Variants in PHACTR4 observed in about 807,000 individuals in gnomAD.
The protein encoded by PHACTR4 is protein phosphatase 1, regulatory subunit 124.
Under a neutral mutation model 72.7 loss-of-function variants are expected in PHACTR4, and 51 were observed. The observed-to-expected ratio is 0.70, with a 90% CI of 0.56 to 0.89. The LOEUF (loss-of-function observed/expected upper bound fraction) is 0.89, where lower values mean the gene tolerates loss of function less well. Ranked by LOEUF, PHACTR4 falls within the 40% of genes least tolerant of loss-of-function variation. PHACTR4 has a pLI of 0.00. For synonymous variants in PHACTR4, 255 were observed against 302.5 expected (o/e 0.84, Z 1.63); for missense variants, 731 against 861.8 (o/e 0.85, Z 1.90).
rs911626972 is a variant in PHACTR4 at position 28,497,252 on chromosome 1, A to G, written c.*703A>G. ...TAGTTTTTCCTGAACTCCAACCAGA[A>G]TCCAAATTGGTTAGATGAGGCCAGG... On this transcript the variant is annotated 3_prime_UTR_variant, in exon 14 of 14. Coordinates refer to ENST00000373839, the MANE Select transcript of PHACTR4 (RefSeq NM_001048183.3). The G allele has an allele frequency of 6.6e-6, 1 of 152,076 alleles. No homozygotes were observed. The highest frequency in any genetic ancestry group is 2.4e-5 in the African/African-American group (1 of 41,412). 9.4% of individuals were successfully genotyped at this position (152,076 alleles called of 1,614,324 possible).
chr1:28,396,845 C>CTTTTTTTTTTTTTTTT (rs60578939), intron 1 of PHACTR4, among the ~76,000 whole-genome samples: 17 of 119,662 alleles, frequency 1.4e-4, no homozygotes, highest in East Asian at 2.5e-4. Flanking sequence ...TTCTTTCTTT[C>CTTTTTTTTTTTTTTTT]TTTTTTTTTT....
intron 2 of PHACTR4, among the ~76,000 whole-genome samples, chr1:28,411,436 C>T (rs1323793713): frequency 6.6e-6 from 1 of 152,168 alleles, no homozygotes; most frequent in Non-Finnish European, 1.5e-5. Context: ...ACAGAAATGA[C>T]TCATATTTAA....
In PHACTR4 at chr1:28,387,956, A is replaced by G. The variant is rs373678641; in HGVS notation, c.-39+18131A>G. Among the ~76,000 whole-genome samples the G allele has an allele frequency of 5.9e-5, 9 of 152,064 alleles. No homozygotes were observed. In the South Asian group the frequency reaches 1.0e-3, roughly 18 times the overall value. ...TTGGCCAGGCTGGTCTCGAGCTCCT[A>G]ACCTCAGGTGATCCACCCGCCTTGG... is the stretch of plus-strand genomic sequence containing the variant. On this transcript the variant is annotated intron_variant, in intron 1 of 13. Transcript: ENST00000373839.
chr1:28,493,878 A>T (rs2124560965), intron 13 of PHACTR4, among the ~76,000 whole-genome samples: 1 of 152,298 alleles, frequency 6.6e-6, no homozygotes, highest in Admixed American at 6.5e-5. Flanking sequence ...TTAATGTATA[A>T]ACAACATTTT....
intron 1 of PHACTR4, among the ~76,000 whole-genome samples, chr1:28,401,323 G>A (rs988079763): frequency 1.4e-5 from 2 of 143,594 alleles, no homozygotes; most frequent in Admixed American, 6.9e-5. Flanking sequence ...TTTTTTTTGG[G>A]GGGGATGGAG....
At chr1:28,415,273 A>AG (rs1232739561) in intron 2 of PHACTR4, among the ~76,000 whole-genome samples, 5 of 148,924 alleles carry the variant, frequency 3.4e-5, no homozygotes, top group East Asian at 1.9e-4. Flanking sequence ...AAAAAAAAAA[A>AG]AGAGAGAGAA....
chr1:28,438,059 G>A (rs1656746558), intron 2 of PHACTR4: 1 of 890,498 alleles, frequency 1.1e-6, no homozygotes, highest in African/African-American at 1.8e-5. Context: ...GGACTTTTGG[G>A]CTATGCCAGT....
chr1:28,425,583 C>T (rs916019126), intron 2 of PHACTR4, among the ~76,000 whole-genome samples: 2 of 152,168 alleles, frequency 1.3e-5, no homozygotes, highest in African/African-American at 4.8e-5. Context: ...TTCTCCTATT[C>T]ATGTACTGGA....
chr1:28,463,957 C>T (rs116065150), intron 4 of PHACTR4, among the ~76,000 whole-genome samples: 6 of 151,894 alleles, frequency 4.0e-5, no homozygotes, highest in Admixed American at 3.3e-4. Flanking sequence ...ATCTCAAACT[C>T]TTGGGCTCAA....
intron 1 of PHACTR4, among the ~76,000 whole-genome samples, chr1:28,394,598 CTTTTTTT>C (rs762426587): frequency 7.1e-6 from 1 of 140,528 alleles, no homozygotes; most frequent in African/African-American, 2.6e-5. Context: ...GCCATCTTTT[CTTTTTTT>C]TTTTTTTGGA....
rs1021008985 is a variant in PHACTR4, at chr1:28,461,841, TTTTC to T, written c.271+1561_271+1564del. On this transcript the variant is annotated intron_variant, in intron 4 of 13. Transcript: ENST00000373839. ...TGCTGTGCCCAGGTGCTATGCGATGTTTTCTTTCTTTCTTTTTTTTTTTTTGTAT... is the reference window on the plus strand; with the variant it reads ...TGCTGTGCCCAGGTGCTATGCGATGTTTTCTTTCTTTTTTTTTTTTTGTAT... Among the ~76,000 whole-genome samples, 39 of 146,930 alleles carry T rather than the reference TTTTC, an allele frequency of 2.7e-4. 1 individual carries two copies. The highest frequency in any genetic ancestry group is 4.6e-4 in the Non-Finnish European group (31 of 67,914).
At chr1:28,423,975 CTTTAT>C (rs933903892) in intron 2 of PHACTR4, among the ~76,000 whole-genome samples, 2 of 152,062 alleles carry the variant, frequency 1.3e-5, no homozygotes, top group Admixed American at 6.6e-5. Flanking sequence ...TTGAACTTAA[CTTTAT>C]TTTATTTATG....
At chr1:28,377,223 C>A (rs1048827827) in intron 1 of PHACTR4, among the ~76,000 whole-genome samples, 1 of 151,416 alleles carries the variant, frequency 6.6e-6, no homozygotes, top group Admixed American at 6.6e-5. Flanking sequence ...CAGGCGTGAG[C>A]CTCCGCACCC....
intron 2 of PHACTR4, among the ~76,000 whole-genome samples, chr1:28,432,726 T>C (rs1022355947): frequency 3.9e-5 from 6 of 152,108 alleles, no homozygotes; most frequent in African/African-American, 1.4e-4. Context: ...CTTTGCCTAT[T>C]AAATCTTATT....
At chr1:28,430,726 C>G (rs1266391369) in intron 2 of PHACTR4, among the ~76,000 whole-genome samples, 1 of 152,074 alleles carries the variant, frequency 6.6e-6, no homozygotes, top group Non-Finnish European at 1.5e-5. Flanking sequence ...ACATCTCAAG[C>G]CATAAGAAAG....
At position 28,474,058 on chromosome 1, in the gene PHACTR4, C is replaced by T. The variant is rs756268561; in HGVS notation, c.1328C>T (p.Ser443Leu). ...CTGGAGGGTTCTCACAGAGCTCATT[C>T]GTTGCTTTTTGAAAACAGTGACAGC... is the stretch of plus-strand genomic sequence containing the variant. Reference protein sequence around the residue: ...PILEGSHRAHSLLFENSDSFS... With the variant: ...PILEGSHRAHLLLFENSDSFS... The change falls in exon 7 of 14, where the codon TCG (serine) becomes TTG (leucine). Residue 443 changes from serine (S) to leucine (L), a missense_variant. Transcript: ENST00000373839. The T allele has an allele frequency of 5.6e-6, 9 of 1,614,038 alleles. No homozygotes were observed. Among genetic ancestry groups the T allele is most frequent in the East Asian group, 4.5e-5 (2 of 44,896 alleles).
chr1:28,495,344 G>A (rs1204434021), intron 13 of PHACTR4, among the ~76,000 whole-genome samples: 1 of 151,952 alleles, frequency 6.6e-6, no homozygotes, highest in East Asian at 1.9e-4. Context: ...CTGGCCTCAA[G>A]TGATCCTCCC....
intron 1 of PHACTR4, among the ~76,000 whole-genome samples, chr1:28,395,808 C>T (rs1420356679): frequency 2.2e-5 from 3 of 137,728 alleles, no homozygotes; most frequent in African/African-American, 5.9e-5. Flanking sequence ...TACAATTACA[C>T]GCCTGGCTAA....
chr1:28,482,364 A>G (rs953404405), intron 9 of PHACTR4, among the ~76,000 whole-genome samples: 2 of 152,168 alleles, frequency 1.3e-5, no homozygotes, highest in African/African-American at 2.4e-5. Flanking sequence ...TTTGCATTAT[A>G]TCTGTTTCAT....
Sources: allele counts gnomAD v4.1 joint callset (sites outside exome capture counted in the v4.1 genomes callset), GRCh38; gene constraint gnomAD v4.1.1; transcripts MANE v1.5; gene names NCBI Gene and HGNC (gene_info 2026-07-23, HGNC 2026-07-21).